Variants in LRFN2 observed in about 807,000 individuals in gnomAD.
LRFN2 encodes the protein leucine rich repeat and fibronectin type III domain containing 2.
A neutral mutation model predicts 37.3 loss-of-function variants in LRFN2; 18 were observed. The observed-to-expected ratio is 0.48, with a 90% CI of 0.33 to 0.72. The LOEUF is 0.72. Among genes scored for constraint, LRFN2 ranks in the 30% least tolerant of loss-of-function variants. The pLI is 0.02. For synonymous variants in LRFN2, 556 were observed against 466.6 expected (o/e 1.19, Z -2.47); for missense variants, 1,006 against 1,060.7 (o/e 0.95, Z 0.72).
intron 1 of LRFN2, among the ~76,000 whole-genome samples, chr6:40,513,430 C>T (rs1343568079): frequency 6.6e-6 from 1 of 152,000 alleles, no homozygotes; most frequent in Non-Finnish European, 1.5e-5. Context: ...GACGGGGTTT[C>T]ACCATGTTGG....
At chr6:40,440,417 C>G (rs41513154) in intron 1 of LRFN2, among the ~76,000 whole-genome samples, 10,385 of 152,126 alleles carry the variant, frequency 0.068, 588 homozygotes, top group Admixed American at 0.17. Context: ...AGCTCTGAGT[C>G]GATGGTAGCA....
At position 40,406,254 on chromosome 6, in the gene LRFN2, G is replaced by C. The variant is rs1003425906; in HGVS notation, c.1401-13342C>G. On this transcript the variant is annotated intron_variant, in intron 2 of 2. Transcript: ENST00000338305. ...ATCTCTGTGATTTGAACAGTGCCTT[G>C]TCCCTAGTGAGTGCTTAATTTGTGC... is the stretch of plus-strand genomic sequence containing the variant. Among the ~76,000 whole-genome samples the C allele has an allele frequency of 3.0e-4, 46 of 152,334 alleles. 1 individual carries two copies. Among genetic ancestry groups the C allele is most frequent in the Non-Finnish European group, 6.2e-4 (42 of 68,032 alleles).
intron 2 of LRFN2, among the ~76,000 whole-genome samples, chr6:40,427,643 T>C (rs1160153395): frequency 6.6e-6 from 1 of 152,232 alleles, no homozygotes; most frequent in East Asian, 1.9e-4. Context: ...AGCATTCTTT[T>C]CCAAGGGCTC....
intron 1 of LRFN2, among the ~76,000 whole-genome samples, chr6:40,495,112 G>A (rs1114593): frequency 0.066 from 9,985 of 152,214 alleles, 822 homozygotes; most frequent in African/African-American, 0.19. Flanking sequence ...TTTCCAGGTA[G>A]TGTTCCTATA....
At chr6:40,416,652 C>T (rs1345606397) in intron 2 of LRFN2, among the ~76,000 whole-genome samples, 1 of 152,214 alleles carries the variant, frequency 6.6e-6, no homozygotes, top group African/African-American at 2.4e-5. Context: ...CTCCCTGACT[C>T]TCCCAAGCCC....
chr6:40,471,412 TG>T (rs1387027723), intron 1 of LRFN2, among the ~76,000 whole-genome samples: 1 of 152,158 alleles, frequency 6.6e-6, no homozygotes, highest in Non-Finnish European at 1.5e-5. Context: ...TGTCATGCCA[TG>T]GGGAGCTCTG....
At chr6:40,479,001 A>G (rs1764766923) in intron 1 of LRFN2, among the ~76,000 whole-genome samples, 1 of 152,212 alleles carries the variant, frequency 6.6e-6, no homozygotes. Context: ...GGTATAGGCA[A>G]ATAGTTGAGG....
At chr6:40,586,186 C>A (rs1043975573) in intron 1 of LRFN2, among the ~76,000 whole-genome samples, 1 of 152,214 alleles carries the variant, frequency 6.6e-6, no homozygotes, top group South Asian at 2.1e-4. Flanking sequence ...AAGTAAGGCA[C>A]TGTCCACCTC....
At chr6:40,580,258 C>A (rs1333772351) in intron 1 of LRFN2, among the ~76,000 whole-genome samples, 1 of 152,202 alleles carries the variant, frequency 6.6e-6, no homozygotes, top group African/African-American at 2.4e-5. Flanking sequence ...GCATTTCTCA[C>A]TTGCTGGAGT....
chr6:40,457,983 T>C (rs1764269417), intron 1 of LRFN2, among the ~76,000 whole-genome samples: 1 of 152,214 alleles, frequency 6.6e-6, no homozygotes, highest in African/African-American at 2.4e-5. Flanking sequence ...ATCATTAGCC[T>C]GGATTGTTTA....
intron 1 of LRFN2, among the ~76,000 whole-genome samples, chr6:40,453,275 G>T (rs1239320594): frequency 6.6e-6 from 1 of 152,166 alleles, no homozygotes. Flanking sequence ...TGGCAATAGG[G>T]TTGAGGGCAA....
chr6:40,560,452 C>T (rs1344510703), intron 1 of LRFN2, among the ~76,000 whole-genome samples: 1 of 152,200 alleles, frequency 6.6e-6, no homozygotes, highest in Non-Finnish European at 1.5e-5. Context: ...GCAGAGGTGG[C>T]AGGCAAGGGT....
chr6:40,397,184 C>T (rs1762633900), intron 2 of LRFN2, among the ~76,000 whole-genome samples: 1 of 152,234 alleles, frequency 6.6e-6, no homozygotes, highest in Admixed American at 6.5e-5. Flanking sequence ...TCCACCTCAT[C>T]ATCCAACCCT....
At chr6:40,519,716 T>C (rs1765994945) in intron 1 of LRFN2, among the ~76,000 whole-genome samples, 1 of 152,234 alleles carries the variant, frequency 6.6e-6, no homozygotes, top group Non-Finnish European at 1.5e-5. Flanking sequence ...CAGCAAGTGC[T>C]GACGAATACA....
intron 1 of LRFN2, among the ~76,000 whole-genome samples, chr6:40,464,627 T>C (rs568751553): frequency 6.6e-6 from 1 of 152,356 alleles, no homozygotes; most frequent in East Asian, 1.9e-4. Flanking sequence ...AAGCAGACTC[T>C]GTTGGGTGTC....
intron 1 of LRFN2, among the ~76,000 whole-genome samples, chr6:40,570,110 T>G (rs934419146): frequency 1.3e-5 from 2 of 152,140 alleles, no homozygotes; most frequent in African/African-American, 4.8e-5. Flanking sequence ...TCAGTGTTTG[T>G]TATAGCCCCC....
intron 1 of LRFN2, among the ~76,000 whole-genome samples, chr6:40,536,875 T>A (rs1305495715): frequency 6.6e-6 from 1 of 152,202 alleles, no homozygotes; most frequent in Non-Finnish European, 1.5e-5. Context: ...CAGTCACCAC[T>A]CTTCATCTAA....
At chr6:40,552,445 A>G (rs572414852) in intron 1 of LRFN2, among the ~76,000 whole-genome samples, 3 of 152,338 alleles carry the variant, frequency 2.0e-5, no homozygotes, top group Admixed American at 2.0e-4. Flanking sequence ...TCTCTATGTT[A>G]AAATATTGTT....
At chr6:40,395,056 G>A (rs1762585910) in intron 2 of LRFN2, among the ~76,000 whole-genome samples, 1 of 151,740 alleles carries the variant, frequency 6.6e-6, no homozygotes, top group African/African-American at 2.4e-5. Context: ...CAGTGTTTGG[G>A]GCAGAAGAGG....
Sources: allele counts gnomAD v4.1 joint callset (sites outside exome capture counted in the v4.1 genomes callset), GRCh38; gene constraint gnomAD v4.1.1; transcripts MANE v1.5; gene names NCBI Gene and HGNC (gene_info 2026-07-23, HGNC 2026-07-21).